The following ARHGAP6 variants were observed in gnomAD, a reference collection of about 807,000 sequenced individuals.
The protein encoded by ARHGAP6 is Rho GTPase activating protein 6.
In ARHGAP6, 16 loss-of-function variants were observed where a neutral mutation model predicts 55.7. That is an observed-to-expected ratio of 0.29 (90% CI 0.19 to 0.44). The LOEUF is 0.44. Ranked by LOEUF, ARHGAP6 falls within the 20% of genes least tolerant of loss-of-function variation. ARHGAP6 has a pLI of 1.00. For synonymous variants in ARHGAP6, 382 were observed against 360.9 expected (o/e 1.06, Z -0.66); for missense variants, 698 against 808.9 (o/e 0.86, Z 1.66).
Position 11,480,915 on chromosome X carries a change from G to A in ARHGAP6, c.588+183326C>T, listed in dbSNP as rs142618457. Among the ~76,000 whole-genome samples, 150 of 112,205 alleles carry A rather than the reference G, an allele frequency of 1.3e-3. 1 individual carries two copies. The highest frequency in any genetic ancestry group is 4.8e-3 in the African/African-American group (148 of 30,952). On this transcript the variant is annotated intron_variant, in intron 1 of 12. Coordinates refer to ENST00000337414, the MANE Select transcript of ARHGAP6 (RefSeq NM_013427.3). ...TGCTGCCCTTTCTGCCACAATGAATGTAAGGAAGATGACAAGCAACATTTA... is the reference window on the plus strand; with the variant it reads ...TGCTGCCCTTTCTGCCACAATGAATATAAGGAAGATGACAAGCAACATTTA...
In ARHGAP6 at chrX:11,215,573, T is replaced by C. The variant is rs1212504585; in HGVS notation, c.749-18577A>G. Among the ~76,000 whole-genome samples, 3 of 112,927 alleles carry C rather than the reference T, an allele frequency of 2.7e-5. No homozygotes were observed. In the South Asian group the frequency reaches 1.1e-3, roughly 41 times the overall value. On this transcript the variant is annotated intron_variant, in intron 2 of 12. Transcript: ENST00000337414. ...TAGCTCTCCTTTCACACACCCTGTT[T>C]CCTTACTGTATCTTTGCACTCACAA...
Position 11,138,907 on chromosome X carries a change from G to A in ARHGAP6, c.2881C>T (p.Leu961=). The change falls in exon 13 of 13, where the codon CTG becomes TTG. Residue 961 remains leucine, a synonymous_variant. Transcript: ENST00000337414. The part of the protein sequence containing the change: ...QRERWQIWEL[L]STDNPDALPE... ...AGGGCATCGGGGTTGTCGGTCGACA[G>A]GAGCTCCCAGATCTGCCAGCGCTCT... The A allele has an allele frequency of 1.7e-6, 2 of 1,188,107 alleles. No individual in the cohort carries two copies. Among genetic ancestry groups the A allele is most frequent in the South Asian group, 3.6e-5 (2 of 54,805 alleles).
intron 5 of ARHGAP6, 44 bp downstream of exon 5, chrX:11,186,192 A>C (rs2046384574): frequency 8.9e-7 from 1 of 1,123,106 alleles, no homozygotes; most frequent in African/African-American, 1.8e-5. Flanking sequence ...TGATGCTTGA[A>C]TAAATGAAAG....
chrX:11,252,512 C>A (rs758052927), intron 2 of ARHGAP6, among the ~76,000 whole-genome samples: 2 of 112,182 alleles, frequency 1.8e-5, no homozygotes, highest in Non-Finnish European at 3.8e-5. Flanking sequence ...AGGATAAGAG[C>A]GACACGGCCT....
Position 11,138,983 on chromosome X carries a change from G to A in ARHGAP6, c.2805C>T (p.Gly935=), listed in dbSNP as rs763939922. The A allele has an allele frequency of 5.8e-6, 7 of 1,205,899 alleles. No individual in the cohort carries two copies. In the Admixed American group the frequency reaches 1.5e-4, roughly 26 times the overall value. ...CCCCCAGGCGCGGACTGTCCTGCTC[G>A]CCCGCTGGCAGGGAGTTGGCGCTGC... is the stretch of plus-strand genomic sequence containing the variant. ...KLSSANSLPA[G]EQDSPRLGDA... The change falls in exon 13 of 13, where the codon GGC becomes GGT. Residue 935 remains glycine (G), a synonymous_variant. Transcript: ENST00000337414.
intron 1 of ARHGAP6, among the ~76,000 whole-genome samples, chrX:11,498,090 C>T (rs976925401): frequency 8.9e-6 from 1 of 111,777 alleles, no homozygotes; most frequent in African/African-American, 3.2e-5. Flanking sequence ...CACATATTGG[C>T]CCATTTCACT....
intron 1 of ARHGAP6, among the ~76,000 whole-genome samples, chrX:11,439,595 G>T (rs921725608): frequency 9.0e-6 from 1 of 110,688 alleles, no homozygotes; most frequent in Non-Finnish European, 1.9e-5. Context: ...AAGCCCAAAA[G>T]AAAAAAAAAT....
chrX:11,333,952 A>T lies in ARHGAP6; in HGVS notation c.589-79245T>A, dbSNP rs746703084. ...TTTTGGTGCTATGAGTTTCTCACACATGTAAACCCTTTCGGAAAAGTTGGA... is the reference window on the plus strand; with the variant it reads ...TTTTGGTGCTATGAGTTTCTCACACTTGTAAACCCTTTCGGAAAAGTTGGA... On this transcript the variant is annotated intron_variant, in intron 1 of 12. Coordinates refer to ENST00000337414, the MANE Select transcript of ARHGAP6 (RefSeq NM_013427.3). Among the ~76,000 whole-genome samples the T allele has an allele frequency of 3.6e-5, 4 of 112,127 alleles. No individual in the cohort carries two copies. In the East Asian group the frequency reaches 1.1e-3, roughly 31 times the overall value.
At chrX:11,468,530 C>A (rs1296537033) in intron 1 of ARHGAP6, among the ~76,000 whole-genome samples, 2 of 112,056 alleles carry the variant, frequency 1.8e-5, no homozygotes, top group African/African-American at 6.5e-5. Context: ...TATTTTGAAT[C>A]TACTCAATAG....
chrX:11,533,885 T>C (rs1330807736), intron 1 of ARHGAP6, among the ~76,000 whole-genome samples: 2 of 112,315 alleles, frequency 1.8e-5, no homozygotes, highest in Non-Finnish European at 3.8e-5. Flanking sequence ...AAAAATGTGT[T>C]GAAACCAAGT....
chrX:11,442,457 G>A (rs1338288533), intron 1 of ARHGAP6, among the ~76,000 whole-genome samples: 3 of 111,742 alleles, frequency 2.7e-5, no homozygotes, highest in Non-Finnish European at 3.8e-5. Flanking sequence ...TCAAAATTCA[G>A]GAGCACAACT....
chrX:11,192,693 T>G (rs1394878230), intron 3 of ARHGAP6, among the ~76,000 whole-genome samples: 1 of 111,696 alleles, frequency 9.0e-6, no homozygotes, highest in Non-Finnish European at 1.9e-5. Context: ...ACAATATGCT[T>G]TCACCAAAAA....
At chrX:11,334,704 G>T in intron 1 of ARHGAP6, 1 of 194,828 alleles carries the variant, frequency 5.1e-6, no homozygotes, top group Admixed American at 6.0e-5. Context: ...ATGATTGACA[G>T]AGACAAACAT....
Position 11,313,287 on chromosome X carries a change from G to A in ARHGAP6, c.589-58580C>T, listed in dbSNP as rs779376649. Among the ~76,000 whole-genome samples the A allele has an allele frequency of 4.5e-5, 5 of 111,996 alleles. No homozygotes were observed. The East Asian group carries it at 1.1e-3, about 25-fold the overall frequency. On this transcript the variant is annotated intron_variant, in intron 1 of 12. Coordinates refer to ENST00000337414, the MANE Select transcript of ARHGAP6 (RefSeq NM_013427.3). The stretch of plus-strand genomic sequence containing the variant: ...AAACAAGCAAGCAAAGATCATCAAC[G>A]GGCTTCCATTGCACTTAGAATAAAA...
chrX:11,271,962 C>A (rs1373623168), intron 1 of ARHGAP6, among the ~76,000 whole-genome samples: 1 of 112,091 alleles, frequency 8.9e-6, no homozygotes. Context: ...TCTCCAAGGA[C>A]CAACAGTTCT....
chrX:11,376,716 T>C (rs979656943), intron 1 of ARHGAP6, among the ~76,000 whole-genome samples: 1 of 112,625 alleles, frequency 8.9e-6, no homozygotes, highest in Non-Finnish European at 1.9e-5. Context: ...GCTTATTTTG[T>C]GCAGCACAAT....
chrX:11,209,942 ATC>A (rs2046766550), intron 2 of ARHGAP6, among the ~76,000 whole-genome samples: 1 of 112,429 alleles, frequency 8.9e-6, no homozygotes, highest in Non-Finnish European at 1.9e-5. Flanking sequence ...AATGACAAAA[ATC>A]TCTCAGTACC....
intron 2 of ARHGAP6, among the ~76,000 whole-genome samples, chrX:11,241,569 T>TGTGC (rs201460080): frequency 9.7e-6 from 1 of 102,693 alleles, no homozygotes; most frequent in Non-Finnish European, 2.0e-5. Context: ...TGTGTGTGTG[T>TGTGC]GTGTGCGCGT....
intron 1 of ARHGAP6, among the ~76,000 whole-genome samples, chrX:11,531,176 T>C (rs2051044753): frequency 9.0e-6 from 1 of 111,227 alleles, no homozygotes; most frequent in African/African-American, 3.3e-5. Context: ...AATTTACATA[T>C]AAAAAATCTA....
Sources: allele counts gnomAD v4.1 joint callset (sites outside exome capture counted in the v4.1 genomes callset), GRCh38; gene constraint gnomAD v4.1.1; transcripts MANE v1.5; gene names NCBI Gene and HGNC (gene_info 2026-07-23, HGNC 2026-07-21).